The following DPP6 variants were observed in gnomAD, a reference collection of about 807,000 sequenced individuals.
DPP6 encodes A-type potassium channel modulatory protein DPP6.
In DPP6, 69 loss-of-function variants were observed where a neutral mutation model predicts 122.6. The observed-to-expected ratio is 0.56, with a 90% confidence interval of 0.46 to 0.69. The LOEUF (loss-of-function observed/expected upper bound fraction) is 0.69. DPP6 is among the 30% of genes least tolerant of loss of function. DPP6 has a pLI of 0.00. For synonymous variants in DPP6, 418 were observed against 433.1 expected, an observed-to-expected ratio of 0.97 and a Z score of 0.43; for missense variants, 928 against 1,116.9, an observed-to-expected ratio of 0.83 and a Z score of 2.41.
At chr7:154,209,124 T>C (rs57047467) in intron 1 of DPP6, among the ~76,000 whole-genome samples, 10,678 of 152,278 alleles carry the variant, frequency 0.07, 418 homozygotes, top group South Asian at 0.11. Context: ...GAGTTCGCCA[T>C]CTTGATTCAC....
chr7:154,404,005 A>G lies in DPP6; in HGVS notation c.244-42209A>G, dbSNP rs77208799. Among the ~76,000 whole-genome samples the G allele has an allele frequency of 4.3e-3, 657 of 152,340 alleles. 2 individuals are homozygous for G. The highest frequency in any genetic ancestry group is 0.015 in the African/African-American group (633 of 41,578). ...GTTTTCCAAAGGGCCACAGGAGGAT[A>G]TTGTATGGATGTTATTTATTGTCCT... On this transcript the variant is annotated intron_variant, in intron 1 of 25. Coordinates refer to ENST00000377770, the MANE Select transcript of DPP6 (RefSeq NM_130797.4).
At chr7:154,405,046 T>C (rs1815961595) in intron 1 of DPP6, among the ~76,000 whole-genome samples, 1 of 152,270 alleles carries the variant, frequency 6.6e-6, no homozygotes, top group African/African-American at 2.4e-5. Context: ...TGTACACATA[T>C]ACGTATGCAA....
At chr7:154,380,354 A>G (rs1482604632) in intron 1 of DPP6, among the ~76,000 whole-genome samples, 7 of 152,246 alleles carry the variant, frequency 4.6e-5, no homozygotes, top group African/African-American at 1.7e-4. Flanking sequence ...GTGTGTACAC[A>G]CAAATGTGTA....
At chr7:154,556,015 A>G (rs1172913803) in intron 4 of DPP6, among the ~76,000 whole-genome samples, 3 of 152,208 alleles carry the variant, frequency 2.0e-5, no homozygotes, top group African/African-American at 7.2e-5. Context: ...AATGATCTTG[A>G]TTGTCATATA....
intron 18 of DPP6, among the ~76,000 whole-genome samples, chr7:154,868,619 C>G (rs1472477917): frequency 1.3e-5 from 2 of 152,190 alleles, no homozygotes; most frequent in Non-Finnish European, 2.9e-5. Context: ...GGTAAGTTCT[C>G]CTGGGCACTA....
At chr7:154,745,582 G>C (rs929801598) in intron 8 of DPP6, among the ~76,000 whole-genome samples, 3 of 152,206 alleles carry the variant, frequency 2.0e-5, no homozygotes, top group Non-Finnish European at 4.4e-5. Context: ...ATAAAAAGAA[G>C]AGTTTATTTG....
At chr7:154,761,346 A>G (rs540352436) in intron 8 of DPP6, among the ~76,000 whole-genome samples, 3 of 152,334 alleles carry the variant, frequency 2.0e-5, no homozygotes, top group East Asian at 3.9e-4. Flanking sequence ...TGTGTCAGCC[A>G]GGACACCAAA....
chr7:154,662,637 G>T (rs1166563515), intron 6 of DPP6, among the ~76,000 whole-genome samples: 1 of 118,710 alleles, frequency 8.4e-6, no homozygotes, highest in Non-Finnish European at 1.7e-5. Flanking sequence ...TCACCATGGC[G>T]TATCGGCCAT....
At chr7:154,445,775 TG>T (rs1340800235) in intron 1 of DPP6, among the ~76,000 whole-genome samples, 1 of 46,906 alleles carries the variant, frequency 2.1e-5, no homozygotes, top group African/African-American at 6.6e-5. Context: ...ATCACATGGA[TG>T]TAAAAAAAAA....
chr7:154,842,016 C>A (rs1333214147), intron 16 of DPP6, among the ~76,000 whole-genome samples: 1 of 152,216 alleles, frequency 6.6e-6, no homozygotes, highest in African/African-American at 2.4e-5. Context: ...CGCAGTAGTT[C>A]TGGTAGCTTG....
At chr7:154,769,176 A>C (rs1452778771) in intron 8 of DPP6, among the ~76,000 whole-genome samples, 2 of 152,152 alleles carry the variant, frequency 1.3e-5, no homozygotes, top group African/African-American at 4.8e-5. Flanking sequence ...CATCTGTTTG[A>C]TTGAGCTTTG....
At chr7:154,411,403 C>G (rs942204587) in intron 1 of DPP6, among the ~76,000 whole-genome samples, 1 of 152,118 alleles carries the variant, frequency 6.6e-6, no homozygotes, top group Middle Eastern at 3.2e-3. Context: ...CCATGCCCAG[C>G]TAATTTTTTA....
rs375064901 is a variant in DPP6 at position 154,637,844 on chromosome 7, A to G, written c.651A>G (p.Gly217=). Reference sequence around the variant, plus strand: ...AGATATATCAACACTCGTATACTGGATATTACGTCCTGAGCAAAATTCCTC... The same window carrying G: ...AGATATATCAACACTCGTATACTGGGTATTACGTCCTGAGCAAAATTCCTC... The part of the protein sequence containing the change: ...VEPIYQHSYT[G]YYVLSKIPHG... Residue 217 remains glycine (G), a synonymous_variant, in exon 6 of 26, where the codon GGA becomes GGG. Coordinates refer to ENST00000377770, the MANE Select transcript of DPP6 (RefSeq NM_130797.4). 10 of 1,583,514 alleles carry G rather than the reference A, an allele frequency of 6.3e-6. No individual in the cohort carries two copies. In the African/African-American group the frequency reaches 1.3e-4, roughly 21 times the overall value.
intron 10 of DPP6, among the ~76,000 whole-genome samples, chr7:154,775,676 C>T (rs986966970): frequency 2.0e-5 from 3 of 152,150 alleles, no homozygotes; most frequent in South Asian, 2.1e-4. Context: ...CTCAGCCATC[C>T]GGGAGAGACG....
At chr7:154,130,625 A>G (rs956199202) in intron 1 of DPP6, among the ~76,000 whole-genome samples, 18 of 152,056 alleles carry the variant, frequency 1.2e-4, no homozygotes, top group African/African-American at 4.3e-4. Flanking sequence ...TTTGCACATC[A>G]TTGTGTTTTA....
intron 17 of DPP6, among the ~76,000 whole-genome samples, 173 bp downstream of exon 17, chr7:154,854,000 A>T (rs1253738331): frequency 6.6e-6 from 1 of 152,096 alleles, no homozygotes; most frequent in Non-Finnish European, 1.5e-5. Context: ...ATATGATGAA[A>T]GTCAAAGTCC....
At chr7:153,967,640 C>T (rs1220172417) in intron 1 of DPP6, among the ~76,000 whole-genome samples, 1 of 149,420 alleles carries the variant, frequency 6.7e-6, no homozygotes, top group Non-Finnish European at 1.5e-5. Flanking sequence ...ACATCAGTGT[C>T]TCTCTCTGAT....
intron 3 of DPP6, among the ~76,000 whole-genome samples, chr7:154,521,801 T>C (rs1827003774): frequency 1.3e-5 from 2 of 152,194 alleles, no homozygotes; most frequent in African/African-American, 4.8e-5. Flanking sequence ...CCTCTCAGTC[T>C]ATCCACACAC....
intron 3 of DPP6, among the ~76,000 whole-genome samples, chr7:154,496,881 A>G (rs541625380): frequency 6.6e-6 from 1 of 152,298 alleles, no homozygotes; most frequent in Non-Finnish European, 1.5e-5. Flanking sequence ...AATTTTGGAT[A>G]TGCTTTTATT....
Sources: gnomAD v4.1 joint callset for allele counts (sites outside exome capture counted in the v4.1 genomes callset) on GRCh38, gnomAD v4.1.1 for gene constraint, MANE v1.5 for transcripts, NCBI Gene and HGNC (gene_info 2026-07-23, HGNC 2026-07-21) for gene names.